KCNU1: variants seen among roughly 807,000 people sequenced by gnomAD.
The protein encoded by KCNU1 is potassium calcium-activated channel subfamily U member 1.
A neutral mutation model predicts 126.8 loss-of-function variants in KCNU1; 93 were observed. That is an observed-to-expected ratio of 0.73 (90% CI 0.62 to 0.87). The LOEUF (loss-of-function observed/expected upper bound fraction) is 0.87, where lower values mean the gene tolerates loss of function less well. Ranked by LOEUF, KCNU1 falls within the 40% of genes least tolerant of loss-of-function variation. The pLI, the probability that KCNU1 is intolerant of heterozygous loss-of-function variation, is 0.00. For missense variants in KCNU1, 1,330 were observed against 1,367.1 expected (o/e 0.97, Z 0.43); for synonymous variants, 523 against 494.2 (o/e 1.06, Z -0.77).
chr8:36,921,711 A>AG (rs1808356592), intron 23 of KCNU1, among the ~76,000 whole-genome samples: 2 of 151,322 alleles, frequency 1.3e-5, no homozygotes, highest in Admixed American at 6.6e-5. Context: ...CAGCCTGTGC[A>AG]TCTCTTCTCA....
At chr8:36,839,518 T>C (rs2130571056) in intron 14 of KCNU1, among the ~76,000 whole-genome samples, 1 of 152,326 alleles carries the variant, frequency 6.6e-6, no homozygotes, top group African/African-American at 2.4e-5. Flanking sequence ...TTCATTCAGC[T>C]GAATCTTCGT....
intron 26 of KCNU1, among the ~76,000 whole-genome samples, chr8:36,935,036 T>C (rs1483863663): frequency 6.6e-6 from 1 of 152,112 alleles, no homozygotes; most frequent in Non-Finnish European, 1.5e-5. Context: ...TAAGTCAGGA[T>C]GAAAATACCT....
intron 25 of KCNU1, 51 bp downstream of exon 25, chr8:36,931,196 G>C (rs1808693502): frequency 1.4e-6 from 2 of 1,383,638 alleles, no homozygotes; most frequent in Non-Finnish European, 2.0e-6. Context: ...ACCTCTCTGA[G>C]CTTCTGAAAA....
At chr8:36,877,743 A>G (rs768305729) in intron 19 of KCNU1, among the ~76,000 whole-genome samples, 1 of 152,152 alleles carries the variant, frequency 6.6e-6, no homozygotes, top group Non-Finnish European at 1.5e-5. Context: ...AGCTTGAGGG[A>G]TGCATAAAAA....
Position 36,817,761 on chromosome 8 carries a change from G to A in KCNU1, c.1106+1G>A. On this transcript the variant is annotated splice_donor_variant, in intron 10 of 26. Coordinates refer to ENST00000399881, the MANE Select transcript of KCNU1 (RefSeq NM_001031836.3). LOFTEE classifies it high-confidence loss of function. ...ACACTGAAATTGTTTTCCTGGGAGA[G>A]TAAGTATATCTGTATGGCTCATGGG... The A allele has an allele frequency of 6.7e-7, 1 of 1,498,176 alleles. No homozygotes were observed. Among genetic ancestry groups the A allele is most frequent in the South Asian group, 1.1e-5 (1 of 88,758 alleles). 92.8% of individuals were successfully genotyped at this position (1,498,176 alleles called of 1,614,324 possible).
intron 24 of KCNU1, among the ~76,000 whole-genome samples, chr8:36,926,680 G>A (rs1016225612): frequency 1.3e-5 from 2 of 152,078 alleles, no homozygotes; most frequent in African/African-American, 4.8e-5. Context: ...GCCCAATTTT[G>A]CATGTCCCTT....
At chr8:36,827,869 A>G (rs1203594029) in intron 10 of KCNU1, among the ~76,000 whole-genome samples, 1 of 152,096 alleles carries the variant, frequency 6.6e-6, no homozygotes, top group African/African-American at 2.4e-5. Flanking sequence ...AGCCCATTGT[A>G]CCATTGTAGA....
rs774146581 is a variant in KCNU1 at position 36,833,602 on chromosome 8, C to T, written c.1155C>T (p.Ala385=). 2 of 1,612,446 alleles carry T rather than the reference C, an allele frequency of 1.2e-6. No homozygotes were observed. Among genetic ancestry groups the T allele is most frequent in the Admixed American group, 1.7e-5 (1 of 59,944 alleles). The change falls in exon 11 of 27, where the codon GCC becomes GCT. Residue 385 remains alanine (A), a synonymous_variant. Transcript: ENST00000399881. ...ELETIFKCYL[A]YTTFISGSAM... is the part of the protein sequence containing the mutation. The stretch of plus-strand genomic sequence containing the variant: ...AAACCATATTTAAATGCTACTTGGC[C>T]TACACAACGTTCATTTCTGGATCTG...
chr8:36,848,662 T>C (rs1468583769), intron 18 of KCNU1, among the ~76,000 whole-genome samples: 1 of 152,182 alleles, frequency 6.6e-6, no homozygotes, highest in African/African-American at 2.4e-5. Flanking sequence ...GGAACCTCAG[T>C]GGGTTTCTCT....
chr8:36,842,045 G>C (rs539295628), intron 16 of KCNU1, among the ~76,000 whole-genome samples: 1 of 152,246 alleles, frequency 6.6e-6, no homozygotes, highest in South Asian at 2.1e-4. Context: ...GTTGGCTCAT[G>C]TGTACTTTTT....
At chr8:36,793,439 A>G (rs1316665573) in intron 2 of KCNU1, among the ~76,000 whole-genome samples, 1 of 151,882 alleles carries the variant, frequency 6.6e-6, no homozygotes, top group East Asian at 1.9e-4. Context: ...TTTACTTTTC[A>G]TGTTTTGTAA....
intron 22 of KCNU1, among the ~76,000 whole-genome samples, chr8:36,915,087 T>C (rs2117552612): frequency 6.6e-6 from 1 of 152,314 alleles, no homozygotes; most frequent in South Asian, 2.1e-4. Context: ...GCTGATGTGA[T>C]TGTGTCTGTA....
At chr8:36,831,221 G>A (rs1413257403) in intron 10 of KCNU1, among the ~76,000 whole-genome samples, 5 of 151,798 alleles carry the variant, frequency 3.3e-5, no homozygotes, top group African/African-American at 9.7e-5. Flanking sequence ...ATAAACATAC[G>A]TGTGCATGTG....
chr8:36,877,491 T>TG lies in KCNU1; in HGVS notation c.2009+12972dup, dbSNP rs373690123. On this transcript the variant is annotated intron_variant, in intron 19 of 26. Coordinates refer to ENST00000399881, the MANE Select transcript of KCNU1 (RefSeq NM_001031836.3). Reference sequence around the variant, plus strand: ...CTGATTTTTGTATTTTTAGTAGAGATGGAGTTTCACCATGTTGGCCAGGCT... The same window carrying TG: ...CTGATTTTTGTATTTTTAGTAGAGATGGGAGTTTCACCATGTTGGCCAGGCT... Among the ~76,000 whole-genome samples, 185 of 152,032 alleles carry TG rather than the reference T, an allele frequency of 1.2e-3. 1 individual carries two copies. The highest frequency in any genetic ancestry group is 4.4e-3 in the African/African-American group (181 of 41,500).
chr8:36,814,514 C>T, intron 8 of KCNU1, 137 bp downstream of exon 8: 1 of 649,140 alleles, frequency 1.5e-6, no homozygotes, highest in Non-Finnish European at 2.6e-6. Context: ...CAAATGAAAA[C>T]ATGCACAGAT....
chr8:36,867,647 G>A (rs906251208), intron 19 of KCNU1, among the ~76,000 whole-genome samples: 8 of 152,118 alleles, frequency 5.3e-5, no homozygotes, highest in African/African-American at 1.7e-4. Flanking sequence ...GGGTTGGCGA[G>A]CCATAGATAA....
At chr8:36,914,877 A>G (rs1300894944) in intron 22 of KCNU1, among the ~76,000 whole-genome samples, 2 of 152,174 alleles carry the variant, frequency 1.3e-5, no homozygotes, top group Non-Finnish European at 2.9e-5. Context: ...TTGTAATAGC[A>G]CCCTGCCAGG....
At chr8:36,853,243 G>A (rs1010541955) in intron 18 of KCNU1, among the ~76,000 whole-genome samples, 3 of 152,114 alleles carry the variant, frequency 2.0e-5, no homozygotes, top group East Asian at 1.9e-4. Context: ...CCGGCTACTC[G>A]GGAGGCTGAG....
rs544059020 is a variant in KCNU1 at position 36,925,863 on chromosome 8, T to C, written c.2736+3234T>C. On this transcript the variant is annotated intron_variant, in intron 24 of 26. Transcript: ENST00000399881. ...TGCTGGAGCATCTCCTGGCTGAGGG[T>C]TGGTAGGAAGGCAATGACCTCGATC... Among the ~76,000 whole-genome samples the C allele has an allele frequency of 1.8e-3, 277 of 152,190 alleles. 1 individual carries two copies. Among genetic ancestry groups the C allele is most frequent in the Middle Eastern group, 6.8e-3 (2 of 294 alleles).
Sources: allele counts gnomAD v4.1 joint callset (sites outside exome capture counted in the v4.1 genomes callset), GRCh38; gene constraint gnomAD v4.1.1; transcripts MANE v1.5; gene names NCBI Gene and HGNC (gene_info 2026-07-23, HGNC 2026-07-21).